The following PAN3 variants were observed in gnomAD, a reference collection of about 807,000 sequenced individuals.
PAN3 encodes the protein PAN2-PAN3 deadenylation complex subunit PAN3.
PAN3 carries 19 observed loss-of-function variants against 96.2 expected under a neutral mutation model. That is an observed-to-expected ratio of 0.20 (90% CI 0.14 to 0.29). The LOEUF (loss-of-function observed/expected upper bound fraction) is 0.29. Ranked by LOEUF, PAN3 falls within the 10% of genes least tolerant of loss-of-function variation. The probability of loss-of-function intolerance (pLI) is 1.00; values close to 1 mark genes in which losing one functional copy is unlikely to be tolerated. For missense variants in PAN3, 882 were observed against 1,108.1 expected (o/e 0.80, Z 2.90); for synonymous variants, 433 against 406.6 (o/e 1.06, Z -0.78).
At chr13:28,257,684 TTA>T (rs1341899344) in intron 7 of PAN3, among the ~76,000 whole-genome samples, 1 of 141,016 alleles carries the variant, frequency 7.1e-6, no homozygotes, top group Non-Finnish European at 1.5e-5. Context: ...AGTTATTAAA[TTA>T]TATAAATATA....
At chr13:28,289,846 C>T (rs1869514305) in intron 18 of PAN3, among the ~76,000 whole-genome samples, 1 of 151,998 alleles carries the variant, frequency 6.6e-6, no homozygotes, top group African/African-American at 2.4e-5. Flanking sequence ...TGGGCCACTG[C>T]ACTCCAGTCT....
intron 1 of PAN3, among the ~76,000 whole-genome samples, chr13:28,169,683 C>T (rs986662006): frequency 6.6e-5 from 10 of 152,082 alleles, no homozygotes; most frequent in African/African-American, 2.2e-4. Context: ...GTATCTATTC[C>T]TCTTTTCTCC....
intron 9 of PAN3, among the ~76,000 whole-genome samples, chr13:28,262,645 C>T (rs576884102): frequency 8.5e-5 from 13 of 152,128 alleles, no homozygotes; most frequent in African/African-American, 1.9e-4. Flanking sequence ...GCACAAAGAC[C>T]GGAAAGGAGA....
chr13:28,258,938 A>G (rs190185330), intron 7 of PAN3, among the ~76,000 whole-genome samples: 1 of 152,184 alleles, frequency 6.6e-6, no homozygotes, highest in African/African-American at 2.4e-5. Flanking sequence ...TTTAATTTGT[A>G]TTACTTCTCA....
chr13:28,175,250 C>T (rs1180163201), intron 2 of PAN3, among the ~76,000 whole-genome samples: 1 of 151,342 alleles, frequency 6.6e-6, no homozygotes, highest in Non-Finnish European at 1.5e-5. Context: ...GTTTCTCTCC[C>T]TCTCTCTCTC....
intron 6 of PAN3, among the ~76,000 whole-genome samples, chr13:28,249,961 G>A (rs1210302677): frequency 2.0e-5 from 3 of 152,184 alleles, no homozygotes; most frequent in Non-Finnish European, 4.4e-5. Context: ...AGATGCTAGT[G>A]ACAAACCTTA....
intron 7 of PAN3, among the ~76,000 whole-genome samples, chr13:28,257,727 ATT>A (rs1260829383): frequency 7.3e-6 from 1 of 137,106 alleles, no homozygotes; most frequent in Non-Finnish European, 1.5e-5. Context: ...ATTAATATAT[ATT>A]ATATATAAAT....
chr13:28,249,485 G>T (rs1443995328), intron 6 of PAN3, among the ~76,000 whole-genome samples: 1 of 151,766 alleles, frequency 6.6e-6, no homozygotes, highest in East Asian at 1.9e-4. Context: ...GTCTCACTCT[G>T]TTGCCCAGGC....
intron 4 of PAN3, among the ~76,000 whole-genome samples, chr13:28,191,452 T>C (rs1276645418): frequency 1.3e-5 from 2 of 152,194 alleles, no homozygotes. Context: ...TTTTGGTTGT[T>C]ACAACTGGGT....
intron 4 of PAN3, among the ~76,000 whole-genome samples, chr13:28,193,582 AAAG>A (rs111733261): frequency 1.6e-4 from 24 of 151,776 alleles, no homozygotes; most frequent in African/African-American, 5.6e-4. Flanking sequence ...ATCTCCACAA[AAAG>A]TATAGAAATT....
At chr13:28,186,617 A>G (rs1876503599) in intron 4 of PAN3, among the ~76,000 whole-genome samples, 1 of 152,236 alleles carries the variant, frequency 6.6e-6, no homozygotes. Flanking sequence ...TTCAATTATA[A>G]TAAAACTCAT....
chr13:28,217,300 G>C (rs2138360711), intron 5 of PAN3, among the ~76,000 whole-genome samples: 1 of 151,966 alleles, frequency 6.6e-6, no homozygotes, highest in East Asian at 1.9e-4. Context: ...TTGGGGGGCA[G>C]GCTGGGCACA....
rs1555267661 is a variant in PAN3 at position 28,144,718 on chromosome 13, C to CCTTTTTTTTTTT, written c.430+5631_430+5632insCTTTTTTTTTTT. Among the ~76,000 whole-genome samples, 10 of 46,776 alleles carry CCTTTTTTTTTTT rather than the reference C, an allele frequency of 2.1e-4. 5 individuals carry two copies. The highest frequency in any genetic ancestry group is 1.4e-4 in the African/African-American group (2 of 14,388). The allele number at this position is 46,776 out of a possible 152,430, so 30.7% of individuals were successfully genotyped here. On this transcript the variant is annotated intron_variant, in intron 1 of 18. Transcript: ENST00000380958. ...TATCAAAAGCAAACCAAAACATCAT[C>CCTTTTTTTTTTT]TTTTTTTTTTTTTTTTTTTTTCCTC...
intron 6 of PAN3, among the ~76,000 whole-genome samples, chr13:28,228,872 A>T (rs560260544): frequency 6.6e-6 from 1 of 152,280 alleles, no homozygotes; most frequent in East Asian, 1.9e-4. Flanking sequence ...AAACAAATAG[A>T]TCCAAAATGT....
chr13:28,175,249 CCTCT>C (rs148502154), intron 2 of PAN3, among the ~76,000 whole-genome samples: 51 of 151,474 alleles, frequency 3.4e-4, no homozygotes, highest in African/African-American at 1.2e-3. Flanking sequence ...CGTTTCTCTC[CCTCT>C]CTCTCTCTGG....
At position 28,266,945 on chromosome 13, in the gene PAN3, A is replaced by G. The variant is rs868392439; in HGVS notation, c.1573+69A>G. 8.2e-6 allele frequency: 11 copies of G among 1,338,926 alleles called. 1 individual carries two copies. In the South Asian group the frequency reaches 2.0e-4, roughly 25 times the overall value. The allele number at this position is 1,338,926 out of a possible 1,614,324, so 82.9% of individuals were successfully genotyped here. A position where few individuals can be genotyped will look rare whatever the true frequency, so the allele number is the denominator to read the frequency against. ...GCTAAGATTATTCAAACCTTCTTGA[A>G]TATATTATTTAATATATGAATTAAA... On this transcript the variant is annotated intron_variant, in intron 10 of 18. Coordinates refer to ENST00000380958, the MANE Select transcript of PAN3 (RefSeq NM_175854.8).
At chr13:28,236,256 C>T (rs1031798012) in intron 6 of PAN3, among the ~76,000 whole-genome samples, 2 of 152,130 alleles carry the variant, frequency 1.3e-5, no homozygotes, top group African/African-American at 4.8e-5. Flanking sequence ...AGCGTTTGAT[C>T]TCATGCTGGT....
intron 1 of PAN3, among the ~76,000 whole-genome samples, chr13:28,144,570 T>C (rs536056475): frequency 3.3e-5 from 5 of 151,926 alleles, no homozygotes; most frequent in African/African-American, 9.7e-5. Flanking sequence ...CCAGGTGAGA[T>C]TGAGTTAACA....
chr13:28,254,169 T>C lies in PAN3; in HGVS notation c.1001-2123T>C, dbSNP rs143900679. Among the ~76,000 whole-genome samples, 75 of 152,346 alleles carry C rather than the reference T, an allele frequency of 4.9e-4. 1 individual carries two copies. The highest frequency in any genetic ancestry group is 1.7e-3 in the African/African-American group (72 of 41,582). Reference sequence around the variant, plus strand: ...GTAAGACTTAGGAATTGGTCAACTATATAGCATGTTGGCTGAGAGCACTGA... The same window carrying C: ...GTAAGACTTAGGAATTGGTCAACTACATAGCATGTTGGCTGAGAGCACTGA... On this transcript the variant is annotated intron_variant, in intron 6 of 18. Coordinates refer to ENST00000380958, the MANE Select transcript of PAN3 (RefSeq NM_175854.8).
Sources: allele counts gnomAD v4.1 joint callset (sites outside exome capture counted in the v4.1 genomes callset), GRCh38; gene constraint gnomAD v4.1.1; transcripts MANE v1.5; gene names NCBI Gene and HGNC (gene_info 2026-07-23, HGNC 2026-07-21).